Variants in ARHGAP15 observed in about 807,000 individuals in gnomAD.
ARHGAP15 encodes the protein rho GTPase-activating protein 15.
A neutral mutation model predicts 63.7 loss-of-function variants in ARHGAP15; 51 were observed. The observed-to-expected ratio is 0.80, with a 90% CI of 0.64 to 1.01. ARHGAP15 has a LOEUF of 1.01. Ranked by LOEUF, ARHGAP15 falls within the 50% of genes least tolerant of loss-of-function variation. ARHGAP15 has a pLI of 0.00. For missense variants in ARHGAP15, 560 were observed against 564.6 expected, an observed-to-expected ratio of 0.99 and a Z score of 0.08; for synonymous variants, 191 against 193.8, an observed-to-expected ratio of 0.99 and a Z score of 0.12.
At chr2:143,171,118 C>T (rs942165461) in intron 2 of ARHGAP15, among the ~76,000 whole-genome samples, 2 of 151,980 alleles carry the variant, frequency 1.3e-5, no homozygotes, top group African/African-American at 4.8e-5. Flanking sequence ...AGTCATAAAG[C>T]TAAAGGAGCT....
intron 6 of ARHGAP15, among the ~76,000 whole-genome samples, chr2:143,366,285 G>A (rs928759993): frequency 4.6e-5 from 7 of 151,940 alleles, no homozygotes; most frequent in East Asian, 1.9e-4. Context: ...ATGTTAAACC[G>A]TTGTCAAATA....
intron 1 of ARHGAP15, among the ~76,000 whole-genome samples, chr2:143,153,543 A>G (rs1261344404): frequency 6.6e-6 from 1 of 151,990 alleles, no homozygotes; most frequent in Non-Finnish European, 1.5e-5. Context: ...TTACTGAAGA[A>G]TCATAAAGTG....
intron 6 of ARHGAP15, among the ~76,000 whole-genome samples, chr2:143,353,999 T>C (rs1558915108): frequency 7.2e-6 from 1 of 138,604 alleles, no homozygotes; most frequent in Non-Finnish European, 1.5e-5. Flanking sequence ...GGTATTTTTT[T>C]TTTTTCTTCA....
intron 6 of ARHGAP15, among the ~76,000 whole-genome samples, chr2:143,278,068 T>C (rs996274144): frequency 6.6e-6 from 1 of 152,200 alleles, no homozygotes; most frequent in African/African-American, 2.4e-5. Context: ...ACAGACATTT[T>C]ATCCTATGTA....
chr2:143,487,182 C>T (rs1692361818), intron 8 of ARHGAP15, among the ~76,000 whole-genome samples, 191 bp from the exon 9 acceptor site: 1 of 152,212 alleles, frequency 6.6e-6, no homozygotes, highest in African/African-American at 2.4e-5. Flanking sequence ...ATTGTACATT[C>T]ATGCTGCAAC....
chr2:143,363,385 C>CA (rs949462992), intron 6 of ARHGAP15, among the ~76,000 whole-genome samples: 22 of 152,032 alleles, frequency 1.4e-4, no homozygotes, highest in Non-Finnish European at 2.8e-4. Flanking sequence ...ACTAAAAATA[C>CA]AAAAAATTAA....
intron 8 of ARHGAP15, among the ~76,000 whole-genome samples, chr2:143,465,822 T>C (rs35648233): frequency 0.2 from 30,123 of 152,024 alleles, 3,619 homozygotes; most frequent in East Asian, 0.48. Context: ...CTTCACTTTC[T>C]CCATTTGTGC....
At chr2:143,434,645 AC>A (rs1231395100) in intron 6 of ARHGAP15, among the ~76,000 whole-genome samples, 1 of 152,090 alleles carries the variant, frequency 6.6e-6, no homozygotes, top group East Asian at 1.9e-4. Context: ...AGTCCTCTAA[AC>A]CCCTGAACTC....
chr2:143,660,235 C>A (rs1275940477), intron 12 of ARHGAP15, among the ~76,000 whole-genome samples: 1 of 152,110 alleles, frequency 6.6e-6, no homozygotes, highest in Non-Finnish European at 1.5e-5. Flanking sequence ...TCAATACATT[C>A]CTCCTTCCTC....
intron 5 of ARHGAP15, among the ~76,000 whole-genome samples, chr2:143,235,236 A>G (rs1291460344): frequency 1.3e-5 from 2 of 149,020 alleles, no homozygotes; most frequent in East Asian, 3.9e-4. Context: ...GAAACATAGT[A>G]GAGTTGTTTT....
intron 8 of ARHGAP15, among the ~76,000 whole-genome samples, chr2:143,447,457 G>A (rs1199425563): frequency 6.6e-6 from 1 of 152,186 alleles, no homozygotes; most frequent in Non-Finnish European, 1.5e-5. Flanking sequence ...AAACTATAGT[G>A]TATTGATCAG....
chr2:143,351,781 A>C (rs1411610049), intron 6 of ARHGAP15, among the ~76,000 whole-genome samples: 1 of 152,174 alleles, frequency 6.6e-6, no homozygotes. Context: ...TAGAAAATGA[A>C]CTACTCTGGT....
chr2:143,763,712 G>A (rs563114140), intron 13 of ARHGAP15, among the ~76,000 whole-genome samples: 7 of 141,584 alleles, frequency 4.9e-5, no homozygotes, highest in African/African-American at 2.0e-4. Context: ...ATGTATATGT[G>A]TATGTATATG....
intron 11 of ARHGAP15, among the ~76,000 whole-genome samples, chr2:143,576,233 G>C (rs1239697532): frequency 2.0e-5 from 3 of 152,084 alleles, no homozygotes. Flanking sequence ...TTTCCCACCA[G>C]CATTTCACTG....
At chr2:143,215,625 A>C (rs1331451137) in intron 3 of ARHGAP15, among the ~76,000 whole-genome samples, 1 of 152,182 alleles carries the variant, frequency 6.6e-6, no homozygotes, top group Non-Finnish European at 1.5e-5. Context: ...AGGCAGACAC[A>C]GGAGGGTAGA....
At chr2:143,497,806 G>A (rs1692883493) in intron 9 of ARHGAP15, among the ~76,000 whole-genome samples, 1 of 152,100 alleles carries the variant, frequency 6.6e-6, no homozygotes. Context: ...CTTATATAGT[G>A]AGACAAGTTG....
At chr2:143,169,987 T>TATTA (rs1319761304) in intron 2 of ARHGAP15, among the ~76,000 whole-genome samples, 1 of 151,964 alleles carries the variant, frequency 6.6e-6, no homozygotes, top group Non-Finnish European at 1.5e-5. Flanking sequence ...AGAAAATTGC[T>TATTA]ATTATCATTA....
At chr2:143,208,963 C>T (rs1398568114) in intron 3 of ARHGAP15, among the ~76,000 whole-genome samples, 2 of 152,112 alleles carry the variant, frequency 1.3e-5, no homozygotes, top group Non-Finnish European at 2.9e-5. Context: ...CAGGAAGTTG[C>T]TATGGCTTGG....
intron 9 of ARHGAP15, among the ~76,000 whole-genome samples, chr2:143,503,355 A>C (rs572735348): frequency 7.9e-4 from 120 of 152,322 alleles, no homozygotes; most frequent in African/African-American, 2.8e-3. Context: ...GTGCTATTTA[A>C]AAGAGCTGTA....
Sources: allele counts gnomAD v4.1 joint callset (sites outside exome capture counted in the v4.1 genomes callset), GRCh38; gene constraint gnomAD v4.1.1; transcripts MANE v1.5; gene names NCBI Gene and HGNC (gene_info 2026-07-23, HGNC 2026-07-21).